Variants in FSHR observed in about 807,000 individuals in gnomAD.
FSHR encodes follicle stimulating hormone receptor.
Under a neutral mutation model 52.1 loss-of-function variants are expected in FSHR, and 46 were observed. That is an observed-to-expected ratio of 0.88 (90% CI 0.70 to 1.13). FSHR has a LOEUF of 1.13. FSHR is among the 50% of genes most tolerant of loss of function. FSHR has a pLI of 0.00. For missense variants in FSHR, 964 were observed against 834.6 expected, an observed-to-expected ratio of 1.16 and a Z score of -1.91; for synonymous variants, 399 against 309.6, an observed-to-expected ratio of 1.29 and a Z score of -3.03.
At position 48,963,540 on chromosome 2, in the gene FSHR, G is replaced by C; in HGVS notation, c.1281C>G (p.Ser427Arg). 1.2e-6 allele frequency: 2 copies of C among 1,614,202 alleles called. No homozygotes were observed. Among genetic ancestry groups the C allele is most frequent in the Non-Finnish European group, 8.5e-7 (1 of 1,180,030 alleles). Residue 427 changes from serine to arginine, a missense_variant, in exon 10 of 10, where the codon AGC (serine) becomes AGG (arginine). Transcript: ENST00000406846. Reference sequence around the variant, plus strand: ...AGTCAATGGCATAGTTGTGATATTGGCTCTTGGTATGGATATCAACTGATG... The same window carrying C: ...AGTCAATGGCATAGTTGTGATATTGCCTCTTGGTATGGATATCAACTGATG... ...LIASVDIHTK[S>R]QYHNYAIDWQ... is the part of the protein sequence containing the mutation.
At chr2:49,133,793 A>T (rs1672383964) in intron 1 of FSHR, among the ~76,000 whole-genome samples, 1 of 152,312 alleles carries the variant, frequency 6.6e-6, no homozygotes, top group Non-Finnish European at 1.5e-5. Flanking sequence ...ATCTTTGACA[A>T]ACCTGACAAA....
At chr2:49,021,879 A>C (rs1214324784) in intron 2 of FSHR, among the ~76,000 whole-genome samples, 2 of 45,790 alleles carry the variant, frequency 4.4e-5, no homozygotes, top group African/African-American at 7.3e-5. Flanking sequence ...ATATATATAT[A>C]TATATATAGA....
At chr2:49,022,908 A>G (rs1667787074) in intron 2 of FSHR, among the ~76,000 whole-genome samples, 1 of 152,200 alleles carries the variant, frequency 6.6e-6, no homozygotes, top group Non-Finnish European at 1.5e-5. Flanking sequence ...AGAACCACCT[A>G]GAGATCTTTT....
chr2:49,054,564 G>A (rs1668985118), intron 2 of FSHR, among the ~76,000 whole-genome samples: 1 of 152,138 alleles, frequency 6.6e-6, no homozygotes, highest in Non-Finnish European at 1.5e-5. Context: ...TCAAGCCAGT[G>A]GAGCAACCAT....
At chr2:49,078,972 C>T (rs2103649806) in intron 1 of FSHR, among the ~76,000 whole-genome samples, 1 of 152,184 alleles carries the variant, frequency 6.6e-6, no homozygotes, top group South Asian at 2.1e-4. Flanking sequence ...TCATTACCCA[C>T]AGAAAACATC....
At chr2:49,106,085 A>G (rs1504174) in intron 1 of FSHR, among the ~76,000 whole-genome samples, 21,095 of 152,186 alleles carry the variant, frequency 0.14, 1,735 homozygotes, top group East Asian at 0.29. Flanking sequence ...TTTAAGAGGT[A>G]TTAGGGACAA....
chr2:49,125,731 T>C (rs1333940320), intron 1 of FSHR, among the ~76,000 whole-genome samples: 1 of 152,178 alleles, frequency 6.6e-6, no homozygotes, highest in Non-Finnish European at 1.5e-5. Flanking sequence ...GCAGGACTGT[T>C]GTTGTTTGTA....
rs1674254574 is a variant in FSHR, at chr2:48,962,238, C to G, written c.*495G>C. The G allele has an allele frequency of 5.1e-6, 1 of 195,992 alleles. No homozygotes were observed. Among genetic ancestry groups the G allele is most frequent in the Admixed American group, 5.4e-5 (1 of 18,676 alleles). The allele number at this position is 195,992 out of a possible 1,614,324, so 12.1% of individuals were successfully genotyped here. A position where few individuals can be genotyped will look rare whatever the true frequency, so the allele number is the denominator to read the frequency against. On this transcript the variant is annotated 3_prime_UTR_variant, in exon 10 of 10. Coordinates refer to ENST00000406846, the MANE Select transcript of FSHR (RefSeq NM_000145.4). ...ATTACAAAGGCTTCAGATGGGTGTT[C>G]AATTAATATTTGTTGAATGAATGAA...
intron 1 of FSHR, among the ~76,000 whole-genome samples, chr2:49,074,804 A>T (rs1457147580): frequency 6.6e-6 from 1 of 152,170 alleles, no homozygotes; most frequent in Non-Finnish European, 1.5e-5. Flanking sequence ...GATAAAGCAA[A>T]TGCGGTATAT....
chr2:48,968,220 C>T (rs1674565677), intron 9 of FSHR, among the ~76,000 whole-genome samples: 1 of 152,008 alleles, frequency 6.6e-6, no homozygotes. Flanking sequence ...TAGGAAGATC[C>T]CAAGGTGGAT....
Position 49,095,520 on chromosome 2 carries a change from C to T in FSHR, c.153-27230G>A, listed in dbSNP as rs1436769919. ...AATTGTAAGAGCTAAAACTATAAAA[C>T]TTTTTGAAGAAAATATGAAAGTAAA... On this transcript the variant is annotated intron_variant, in intron 1 of 9. Coordinates refer to ENST00000406846, the MANE Select transcript of FSHR (RefSeq NM_000145.4). Among the ~76,000 whole-genome samples the T allele has an allele frequency of 2.6e-5, 4 of 152,116 alleles. No homozygotes were observed. The East Asian group carries it at 5.8e-4, about 22-fold the overall frequency.
chr2:48,992,881 A>G (rs1184608115), intron 4 of FSHR, among the ~76,000 whole-genome samples: 1 of 152,170 alleles, frequency 6.6e-6, no homozygotes, highest in Admixed American at 6.5e-5. Flanking sequence ...CCCATAACTC[A>G]TAACTGAAAC....
intron 4 of FSHR, among the ~76,000 whole-genome samples, chr2:48,996,351 C>T (rs1009074390): frequency 1.3e-5 from 2 of 152,036 alleles, no homozygotes; most frequent in African/African-American, 4.8e-5. Flanking sequence ...TAAAAGTCAC[C>T]TCAAACATGG....
rs148712245 is a variant in FSHR, at chr2:49,048,168, G to A, written c.224+20051C>T. Among the ~76,000 whole-genome samples the A allele has an allele frequency of 8.5e-5, 13 of 152,206 alleles. 1 individual carries two copies. The East Asian group carries it at 2.5e-3, about 29-fold the overall frequency. On this transcript the variant is annotated intron_variant, in intron 2 of 9. Transcript: ENST00000406846. ...CCCAAAATGCTGGGATTACAGATGTGAGCCATCGTGGCCAGCCTGTATAGC... is the reference window on the plus strand; with the variant it reads ...CCCAAAATGCTGGGATTACAGATGTAAGCCATCGTGGCCAGCCTGTATAGC...
chr2:49,082,025 C>T (rs936458445), intron 1 of FSHR, among the ~76,000 whole-genome samples: 1 of 152,150 alleles, frequency 6.6e-6, no homozygotes, highest in Admixed American at 6.5e-5. Flanking sequence ...GCGGAGGAGC[C>T]AAGATGGCCG....
At chr2:49,124,569 C>A (rs915641549) in intron 1 of FSHR, among the ~76,000 whole-genome samples, 1 of 151,052 alleles carries the variant, frequency 6.6e-6, no homozygotes, top group African/African-American at 2.4e-5. Context: ...TTCAATTGTT[C>A]AGGTTTATAA....
chr2:49,016,866 T>C (rs554020229), intron 4 of FSHR, among the ~76,000 whole-genome samples: 3 of 152,300 alleles, frequency 2.0e-5, no homozygotes, highest in Non-Finnish European at 4.4e-5. Context: ...CCAGAAAGTT[T>C]AACTCCAGCG....
At chr2:49,092,366 T>G (rs1183082278) in intron 1 of FSHR, among the ~76,000 whole-genome samples, 1 of 152,180 alleles carries the variant, frequency 6.6e-6, no homozygotes, top group Non-Finnish European at 1.5e-5. Context: ...CTTTTATTTT[T>G]CTTTCTTGCC....
intron 4 of FSHR, chr2:48,997,217 G>A: frequency 2.0e-6 from 2 of 984,732 alleles, no homozygotes; most frequent in Non-Finnish European, 1.2e-6. Context: ...AAATGATTTT[G>A]TGTAAGAAAT....
Sources: gnomAD v4.1 joint callset for allele counts (sites outside exome capture counted in the v4.1 genomes callset) on GRCh38, gnomAD v4.1.1 for gene constraint, MANE v1.5 for transcripts, NCBI Gene and HGNC (gene_info 2026-07-23, HGNC 2026-07-21) for gene names.